Variants in MPP7 observed in about 807,000 individuals in gnomAD.
MPP7 encodes MAGUK p55 scaffold protein 7.
Under a neutral mutation model 76.5 loss-of-function variants are expected in MPP7, and 60 were observed. That is an observed-to-expected ratio of 0.78 (90% confidence interval 0.64 to 0.97). The LOEUF is 0.97. Among genes scored for constraint, MPP7 ranks in the 50% least tolerant of loss-of-function variants. The pLI, the probability that MPP7 is intolerant of heterozygous loss-of-function variation, is 0.00. For synonymous variants in MPP7, 237 were observed against 244.5 expected (o/e 0.97, Z 0.29); for missense variants, 641 against 694.0 (o/e 0.92, Z 0.86).
chr10:28,160,550 T>C (rs1436053427), intron 3 of MPP7, among the ~76,000 whole-genome samples: 2 of 152,148 alleles, frequency 1.3e-5, no homozygotes, highest in African/African-American at 4.8e-5. Flanking sequence ...GTTTAGACCT[T>C]GAAGAGCCTC....
intron 3 of MPP7, among the ~76,000 whole-genome samples, chr10:28,185,659 G>T (rs953161351): frequency 1.3e-5 from 2 of 152,016 alleles, no homozygotes; most frequent in Non-Finnish European, 2.9e-5. Flanking sequence ...AAGGCCTAAA[G>T]TTCCAAACTA....
chr10:28,332,587 C>A (rs1834481714), intron 1 of MPP7, among the ~76,000 whole-genome samples: 3 of 152,108 alleles, frequency 2.0e-5, no homozygotes, highest in Non-Finnish European at 4.4e-5. Flanking sequence ...AGGTTTTGAG[C>A]ACTTAAATTG....
intron 2 of MPP7, among the ~76,000 whole-genome samples, chr10:28,316,840 C>T (rs1257181023): frequency 2.0e-5 from 3 of 152,158 alleles, no homozygotes; most frequent in Non-Finnish European, 4.4e-5. Context: ...CGTGACTCAG[C>T]TCTGTCCTCT....
At chr10:28,203,468 T>C (rs1837846163) in intron 2 of MPP7, among the ~76,000 whole-genome samples, 1 of 149,768 alleles carries the variant, frequency 6.7e-6, no homozygotes, top group African/African-American at 2.5e-5. Context: ...TGGGGCCTTA[T>C]TTGGCCAAAA....
At chr10:28,312,922 G>T (rs1841297635) in intron 2 of MPP7, among the ~76,000 whole-genome samples, 1 of 152,194 alleles carries the variant, frequency 6.6e-6, no homozygotes, top group South Asian at 2.1e-4. Flanking sequence ...TAGGAAACTT[G>T]CAAGGATGAG....
intron 1 of MPP7, among the ~76,000 whole-genome samples, chr10:28,287,871 A>G (rs1840824353): frequency 6.6e-6 from 1 of 152,236 alleles, no homozygotes. Flanking sequence ...ACAAAGTAAG[A>G]AAAGTTTACT....
chr10:28,268,734 CAA>C (rs764435309), intron 1 of MPP7, among the ~76,000 whole-genome samples: 22 of 94,644 alleles, frequency 2.3e-4, no homozygotes, highest in Non-Finnish European at 2.3e-4. Context: ...GACTCTGTCT[CAA>C]AAAAAAAAAA....
intron 3 of MPP7, among the ~76,000 whole-genome samples, chr10:28,193,337 C>T (rs890318434): frequency 3.3e-5 from 5 of 151,956 alleles, no homozygotes; most frequent in Non-Finnish European, 5.9e-5. Context: ...CTCAGCCTCC[C>T]GAGTAGCTGG....
At chr10:28,274,976 A>C (rs1840446259) in intron 1 of MPP7, among the ~76,000 whole-genome samples, 1 of 152,248 alleles carries the variant, frequency 6.6e-6, no homozygotes, top group African/African-American at 2.4e-5. Context: ...AGAGCTTAAC[A>C]CAGTACATTC....
chr10:28,169,216 C>T (rs1164859423), intron 3 of MPP7, among the ~76,000 whole-genome samples: 1 of 151,976 alleles, frequency 6.6e-6, no homozygotes. Flanking sequence ...ACTAGCCAGG[C>T]ATAGTGGTCC....
At chr10:28,213,634 C>CA (rs1179879965) in intron 2 of MPP7, among the ~76,000 whole-genome samples, 7 of 150,714 alleles carry the variant, frequency 4.6e-5, no homozygotes, top group African/African-American at 1.5e-4. Flanking sequence ...TGTAAAAATA[C>CA]AAAAAAAATT....
At chr10:28,331,030 T>C (rs953794218) in intron 1 of MPP7, among the ~76,000 whole-genome samples, 1 of 152,328 alleles carries the variant, frequency 6.6e-6, no homozygotes, top group East Asian at 1.9e-4. Flanking sequence ...TTTGAAATTA[T>C]GTGTGTCATA....
chr10:28,104,324 A>C (rs1202402405), intron 11 of MPP7, among the ~76,000 whole-genome samples: 1 of 152,218 alleles, frequency 6.6e-6, no homozygotes, highest in African/African-American at 2.4e-5. Context: ...TAAGAGGAAA[A>C]AACAAGTGGG....
chr10:28,212,485 G>C (rs1273503375), intron 2 of MPP7, among the ~76,000 whole-genome samples: 2 of 152,278 alleles, frequency 1.3e-5, no homozygotes, highest in South Asian at 4.1e-4. Context: ...AGATGCAGTG[G>C]GCAGTTGAAT....
chr10:28,322,945 G>T (rs1174532375), intron 2 of MPP7, among the ~76,000 whole-genome samples: 1 of 151,994 alleles, frequency 6.6e-6, no homozygotes, highest in Non-Finnish European at 1.5e-5. Flanking sequence ...CTTGAGCCAG[G>T]AGTTCAAGAC....
chr10:28,093,472 G>T (rs541739162), intron 11 of MPP7, among the ~76,000 whole-genome samples: 1 of 148,356 alleles, frequency 6.7e-6, no homozygotes, highest in African/African-American at 2.5e-5. Flanking sequence ...TTGAGACAGG[G>T]TCTCACTTCT....
upstream of MPP7, among the ~76,000 whole-genome samples, chr10:28,306,558 G>A (rs1279640408): frequency 7.5e-6 from 1 of 132,504 alleles, no homozygotes; most frequent in African/African-American, 2.5e-5. Context: ...TGAGGTGGGA[G>A]GATTGCTTGA....
At chr10:28,329,395 G>T (rs148839514) in intron 2 of MPP7, among the ~76,000 whole-genome samples, 1 of 151,990 alleles carries the variant, frequency 6.6e-6, no homozygotes, top group Admixed American at 6.6e-5. Flanking sequence ...TTGGGAAGCC[G>T]AGGCAGGCGG....
At chr10:28,170,013 G>A (rs1363005064) in intron 3 of MPP7, among the ~76,000 whole-genome samples, 1 of 152,010 alleles carries the variant, frequency 6.6e-6, no homozygotes, top group Non-Finnish European at 1.5e-5. Context: ...TTAAAGGAAT[G>A]CTTTTCATTT....
Sources: allele counts gnomAD v4.1 joint callset (sites outside exome capture counted in the v4.1 genomes callset), GRCh38; gene constraint gnomAD v4.1.1; transcripts MANE v1.5; gene names NCBI Gene and HGNC (gene_info 2026-07-23, HGNC 2026-07-21).